The following FARS2 variants were observed in gnomAD, a reference collection of about 807,000 sequenced individuals.
FARS2 encodes phenylalanyl-tRNA synthetase 2, mitochondrial.
Under a neutral mutation model 46.4 loss-of-function variants are expected in FARS2, and 40 were observed. That is an observed-to-expected ratio of 0.86 (90% CI 0.67 to 1.12). The LOEUF is 1.12. FARS2 is among the 50% of genes most tolerant of loss of function. The probability of loss-of-function intolerance (pLI) is 0.00; values close to 1 mark genes in which losing one functional copy is unlikely to be tolerated. For synonymous variants in FARS2, 234 were observed against 214.9 expected (o/e 1.09, Z -0.78); for missense variants, 513 against 567.9 (o/e 0.90, Z 0.98).
intron 1 of FARS2, among the ~76,000 whole-genome samples, chr6:5,336,357 A>T (rs1229271539): frequency 6.6e-6 from 1 of 152,060 alleles, no homozygotes; most frequent in African/African-American, 2.4e-5. Context: ...CGGTGACTTT[A>T]TTTTATACCC....
chr6:5,259,303 GT>G (rs1241679827), upstream of FARS2, among the ~76,000 whole-genome samples: 2 of 152,176 alleles, frequency 1.3e-5, no homozygotes, highest in Non-Finnish European at 2.9e-5. Flanking sequence ...AACAGACTTG[GT>G]TAAGTACTTG....
At chr6:5,422,240 A>G (rs1762591424) in intron 3 of FARS2, among the ~76,000 whole-genome samples, 1 of 152,126 alleles carries the variant, frequency 6.6e-6, no homozygotes. Context: ...TGCCCCCATG[A>G]TTCAGTTACC....
chr6:5,602,679 C>T (rs1774601682), intron 5 of FARS2, among the ~76,000 whole-genome samples: 2 of 147,708 alleles, frequency 1.4e-5, no homozygotes, highest in African/African-American at 5.0e-5. Flanking sequence ...AAGGGAACCT[C>T]CCAGGATTTT....
At chr6:5,302,327 T>C (rs940902431) in intron 1 of FARS2, among the ~76,000 whole-genome samples, 7 of 152,190 alleles carry the variant, frequency 4.6e-5, no homozygotes, top group Non-Finnish European at 7.3e-5. Flanking sequence ...AGTGCCCATG[T>C]CGGTCTGTGC....
intron 5 of FARS2, among the ~76,000 whole-genome samples, chr6:5,570,759 A>C (rs557974790): frequency 5.3e-5 from 8 of 151,292 alleles, no homozygotes; most frequent in African/African-American, 1.9e-4. Flanking sequence ...TAGATGCTAG[A>C]ACTGGAACAA....
At chr6:5,695,778 G>A (rs942145465) in intron 6 of FARS2, among the ~76,000 whole-genome samples, 3 of 152,190 alleles carry the variant, frequency 2.0e-5, no homozygotes, top group Non-Finnish European at 2.9e-5. Flanking sequence ...ATTTAGCCAC[G>A]TAAACATTTA....
intron 4 of FARS2, among the ~76,000 whole-genome samples, chr6:5,441,062 C>A (rs1763817164): frequency 6.6e-6 from 1 of 152,134 alleles, no homozygotes; most frequent in Non-Finnish European, 1.5e-5. Context: ...GCTGGGACTA[C>A]AGGTGTGCGC....
rs191180229 is a variant in FARS2, at chr6:5,453,686, G to A, written c.904+22514G>A. On this transcript the variant is annotated intron_variant, in intron 4 of 6. Coordinates refer to ENST00000274680, the MANE Select transcript of FARS2 (RefSeq NM_006567.5). ...CTGTTTTTTATCTTTTACACCAGTC[G>A]TTCTACTGGTGAGTCAATACTTGCA... 1.4e-3 allele frequency among the ~76,000 whole-genome samples: 218 copies of A among 152,276 alleles called. 1 individual carries two copies. The highest frequency in any genetic ancestry group is 4.3e-3 in the African/African-American group (178 of 41,540).
At position 5,500,167 on chromosome 6, in the gene FARS2, C is replaced by A. The variant is rs546974647; in HGVS notation, c.905-45013C>A. ...TATCTGATCCTGTTCTCTATTATTT[C>A]ATTGTGCTGCCTCCCTCTCGCCCTC... On this transcript the variant is annotated intron_variant, in intron 4 of 6. Coordinates refer to ENST00000274680, the MANE Select transcript of FARS2 (RefSeq NM_006567.5). Among the ~76,000 whole-genome samples, 4 of 152,288 alleles carry A rather than the reference C, an allele frequency of 2.6e-5. No homozygotes were observed. In the East Asian group the frequency reaches 5.8e-4, roughly 22 times the overall value.
At chr6:5,618,754 G>A (rs11962015) in intron 6 of FARS2, among the ~76,000 whole-genome samples, 24,970 of 152,106 alleles carry the variant, frequency 0.16, 2,184 homozygotes, top group South Asian at 0.22. Context: ...GCCACTTAAC[G>A]TGCAGAAGAG....
chr6:5,644,035 C>T (rs758488157), intron 6 of FARS2, among the ~76,000 whole-genome samples: 3 of 151,992 alleles, frequency 2.0e-5, no homozygotes, highest in Non-Finnish European at 4.4e-5. Context: ...ACACTCTTGC[C>T]CACTGAGAAA....
chr6:5,594,633 C>T (rs767484968), intron 5 of FARS2, among the ~76,000 whole-genome samples: 1 of 152,078 alleles, frequency 6.6e-6, no homozygotes, highest in Admixed American at 6.6e-5. Context: ...AGGGAACAAT[C>T]GAAGAGGCTG....
At chr6:5,554,156 CCTTT>C (rs1236212669) in intron 5 of FARS2, among the ~76,000 whole-genome samples, 2 of 152,174 alleles carry the variant, frequency 1.3e-5, no homozygotes, top group Non-Finnish European at 2.9e-5. Flanking sequence ...CTCCTTCCTT[CCTTT>C]CTCCCTTGTA....
At chr6:5,341,223 A>ATATC (rs1771594571) in intron 1 of FARS2, among the ~76,000 whole-genome samples, 1 of 5,300 alleles carries the variant, frequency 1.9e-4, no homozygotes, top group African/African-American at 6.8e-4. Context: ...ATATATATAT[A>ATATC]TATATATATA....
chr6:5,404,619 A>G lies in FARS2; in HGVS notation c.690A>G (p.Thr230=), dbSNP rs1205104225. The change falls in exon 3 of 7, where the codon ACA becomes ACG. Residue 230 remains threonine, a synonymous_variant. Coordinates refer to ENST00000274680, the MANE Select transcript of FARS2 (RefSeq NM_006567.5). ...QSSRSAHKQE[T]HTMEAVKLVE... is the part of the protein sequence containing the mutation. ...CTCGCTCTGCGCATAAACAAGAGAC[A>G]CACACCATGGAGGCCGTGAAGCTTG... 1 of 1,613,562 alleles carries G rather than the reference A, an allele frequency of 6.2e-7. No individual in the cohort carries two copies. Among genetic ancestry groups the G allele is most frequent in the East Asian group, 2.2e-5 (1 of 44,874 alleles).
intron 6 of FARS2, among the ~76,000 whole-genome samples, chr6:5,661,695 AG>A (rs1375335643): frequency 6.6e-6 from 1 of 152,180 alleles, no homozygotes; most frequent in Non-Finnish European, 1.5e-5. Flanking sequence ...ATGATCACTC[AG>A]GGGGCCAGAA....
chr6:5,571,860 C>T (rs1772672962), intron 5 of FARS2, among the ~76,000 whole-genome samples: 2 of 152,070 alleles, frequency 1.3e-5, no homozygotes, highest in African/African-American at 4.8e-5. Context: ...CCCATCTGTT[C>T]CTTGCCAGTC....
intron 6 of FARS2, among the ~76,000 whole-genome samples, chr6:5,747,658 T>C (rs528310605): frequency 5.9e-5 from 9 of 152,078 alleles, no homozygotes; most frequent in African/African-American, 2.2e-4. Flanking sequence ...TGGATGGAGG[T>C]GAATGGATGC....
chr6:5,599,891 T>G (rs1301493292), intron 5 of FARS2, among the ~76,000 whole-genome samples: 1 of 152,174 alleles, frequency 6.6e-6, no homozygotes, highest in Non-Finnish European at 1.5e-5. Flanking sequence ...TGCTTCTTTT[T>G]TTTTTTTTGT....
Sources: allele counts gnomAD v4.1 joint callset (sites outside exome capture counted in the v4.1 genomes callset), GRCh38; gene constraint gnomAD v4.1.1; transcripts MANE v1.5; gene names NCBI Gene and HGNC (gene_info 2026-07-23, HGNC 2026-07-21).